Variants in SLC2A14 observed in about 807,000 individuals in gnomAD.
SLC2A14 encodes solute carrier family 2 member 14.
Under a neutral mutation model 43.0 loss-of-function variants are expected in SLC2A14, and 13 were observed. The observed-to-expected ratio is 0.30, with a 90% CI of 0.20 to 0.48. The LOEUF (loss-of-function observed/expected upper bound fraction) is 0.48. Among genes scored for constraint, SLC2A14 ranks in the 20% least tolerant of loss-of-function variants. The pLI, the probability that SLC2A14 is intolerant of heterozygous loss-of-function variation, is 0.99. For missense variants in SLC2A14, 428 were observed against 620.4 expected (o/e 0.69, Z 3.29); for synonymous variants, 190 against 233.8 (o/e 0.81, Z 1.71).
chr12:7,832,520 G>A (rs902304450), intron 3 of SLC2A14, among the ~76,000 whole-genome samples: 1 of 152,150 alleles, frequency 6.6e-6, no homozygotes, highest in Admixed American at 6.5e-5. Context: ...CCCCTAGTTG[G>A]GGGAGGGACC....
At chr12:7,862,373 C>A (rs1229038353) in intron 2 of SLC2A14, among the ~76,000 whole-genome samples, 7 of 152,018 alleles carry the variant, frequency 4.6e-5, no homozygotes, top group African/African-American at 1.7e-4. Context: ...GCAGTGCCAG[C>A]CCACCGGCGC....
At chr12:7,871,038 G>T in intron 1 of SLC2A14, 1 of 1,424,122 alleles carries the variant, frequency 7.0e-7, no homozygotes, top group South Asian at 1.2e-5. Flanking sequence ...TGGCTTCACC[G>T]CGGAAGAACC....
At position 7,870,413 on chromosome 12, in the gene SLC2A14, G is replaced by A. The variant is rs144861494; in HGVS notation, c.-57-476C>T. ...GCCTAAACTGCTTCAGTGAGCCACAGTGAAGTTGGAAGTCGTGATTCTGCT... is the reference window on the plus strand; with the variant it reads ...GCCTAAACTGCTTCAGTGAGCCACAATGAAGTTGGAAGTCGTGATTCTGCT... On this transcript the variant is annotated intron_variant, in intron 1 of 10. Transcript: ENST00000431042. Among the ~76,000 whole-genome samples the A allele has an allele frequency of 6.2e-3, 949 of 152,282 alleles. 18 individuals carry two copies. Among genetic ancestry groups the A allele is most frequent in the Middle Eastern group, 0.048 (14 of 294 alleles).
At chr12:7,848,220 T>A (rs1363081054) in intron 2 of SLC2A14, among the ~76,000 whole-genome samples, 2 of 152,090 alleles carry the variant, frequency 1.3e-5, no homozygotes, top group Admixed American at 1.3e-4. Context: ...TTCCTTATTG[T>A]TTTCCACTTT....
chr12:7,873,051 G>C, upstream of SLC2A14: 2 of 985,504 alleles, frequency 2.0e-6, no homozygotes, highest in Non-Finnish European at 2.4e-6. Flanking sequence ...GCTCGCGGTC[G>C]GGGTTGTCCG....
At chr12:7,825,766 C>CAGA (rs1864305330) in intron 7 of SLC2A14, among the ~76,000 whole-genome samples, 1 of 121,264 alleles carries the variant, frequency 8.2e-6, no homozygotes, top group African/African-American at 3.2e-5. Context: ...CTCTGTCTCA[C>CAGA]AAAAAAAAAA....
At chr12:7,874,924 TA>T (rs1287152404), upstream of SLC2A14, among the ~76,000 whole-genome samples, 135 of 53,486 alleles carry the variant, frequency 2.5e-3, 3 homozygotes, top group East Asian at 0.065. Context: ...TATAAATATA[TA>T]TTTATATATA....
At chr12:7,837,038 A>C (rs4606545) in intron 2 of SLC2A14, among the ~76,000 whole-genome samples, 1 of 151,368 alleles carries the variant, frequency 6.6e-6, no homozygotes, top group Non-Finnish European at 1.5e-5. Flanking sequence ...ATGGTGGCAC[A>C]TGCCTGTAAT....
Position 7,812,983 on chromosome 12 carries a change from A to G in SLC2A14, c.*1333T>C, listed in dbSNP as rs975349106. ...CACTGCACATTGACTCATACTGTCTAAACCTGGTTTATTGGAAAGATTCAA... is the reference window on the plus strand; with the variant it reads ...CACTGCACATTGACTCATACTGTCTGAACCTGGTTTATTGGAAAGATTCAA... On this transcript the variant is annotated 3_prime_UTR_variant, in exon 11 of 11. Coordinates refer to ENST00000431042, the MANE Select transcript of SLC2A14 (RefSeq NM_001286234.2). 3 of 152,068 alleles carry G rather than the reference A, an allele frequency of 2.0e-5. No homozygotes were observed. Among genetic ancestry groups the G allele is most frequent in the African/African-American group, 7.2e-5 (3 of 41,398 alleles). The allele number at this position is 152,068 out of a possible 1,614,324, so 9.4% of individuals were successfully genotyped here. A position where few individuals can be genotyped will look rare whatever the true frequency, so the allele number is the denominator to read the frequency against.
chr12:7,885,633 C>A (rs1169539414), intron 1 of SLC2A14, among the ~76,000 whole-genome samples: 1 of 150,878 alleles, frequency 6.6e-6, no homozygotes, highest in Non-Finnish European at 1.5e-5. Context: ...ATCAGAGATT[C>A]TTTCAAGCTC....
intron 1 of SLC2A14, among the ~76,000 whole-genome samples, chr12:7,884,197 G>C (rs1185516801): frequency 1.3e-5 from 2 of 152,106 alleles, no homozygotes; most frequent in African/African-American, 4.8e-5. Flanking sequence ...TGGGATTACA[G>C]GCATGAGCCA....
At chr12:7,836,094 G>C (rs1865426785) in intron 2 of SLC2A14, among the ~76,000 whole-genome samples, 1 of 152,082 alleles carries the variant, frequency 6.6e-6, no homozygotes, top group Admixed American at 6.6e-5. Context: ...TTCCACATCA[G>C]GGCTAGGTGA....
chr12:7,882,683 G>A (rs933684939), intron 1 of SLC2A14, among the ~76,000 whole-genome samples: 3 of 151,954 alleles, frequency 2.0e-5, no homozygotes, highest in Admixed American at 1.3e-4. Flanking sequence ...CTAAAAATAC[G>A]AAAGTTAGTC....
intron 1 of SLC2A14, chr12:7,871,958 G>GA (rs887610937): frequency 1.5e-4 from 146 of 953,130 alleles, no homozygotes; most frequent in Middle Eastern, 5.3e-4. Context: ...GCTGAGCATG[G>GA]AAAAAAAACA....
chr12:7,872,652 C>T, intron 1 of SLC2A14, 155 bp downstream of exon 1: 1 of 519,002 alleles, frequency 1.9e-6, no homozygotes, highest in Non-Finnish European at 2.5e-6. Flanking sequence ...CTCCAAGGCT[C>T]CAAGGCTAGT....
intron 2 of SLC2A14, among the ~76,000 whole-genome samples, chr12:7,866,530 A>G (rs1194883445): frequency 2.6e-5 from 4 of 151,870 alleles, no homozygotes; most frequent in Non-Finnish European, 5.9e-5. Context: ...ACGCCCAGCT[A>G]ATTTTTATAT....
At chr12:7,815,343 G>A (rs1245532139) in intron 10 of SLC2A14, among the ~76,000 whole-genome samples, 1 of 152,018 alleles carries the variant, frequency 6.6e-6, no homozygotes, top group African/African-American at 2.4e-5. Flanking sequence ...TTGATCCCAG[G>A]AGGCAGAGGT....
chr12:7,864,938 G>A (rs1354326899), intron 2 of SLC2A14, among the ~76,000 whole-genome samples: 1 of 152,012 alleles, frequency 6.6e-6, no homozygotes, highest in Non-Finnish European at 1.5e-5. Flanking sequence ...CAAATTTACC[G>A]TAAAGAGGCC....
chr12:7,832,722 C>A lies in SLC2A14; in HGVS notation c.111G>T (p.Thr37=), dbSNP rs10846018. The part of the protein sequence containing the change: ...YNTGVINAPE[T]IIKEFINKTL... The stretch of plus-strand genomic sequence containing the variant: ...CTAATTCTTGTGGCCTGGCACTCAC[C>A]GTCTCAGGAGCATTGATGACCCCAG... The change falls in exon 3 of 11, where the codon ACG becomes ACT. Residue 37 remains threonine (T), a splice_region_variant and synonymous_variant. Transcript: ENST00000431042. 0.031 allele frequency: 49,896 copies of A among 1,613,386 alleles called. 933 individuals carry two copies. Among genetic ancestry groups the A allele is most frequent in the Non-Finnish European group, 0.036 (42,267 of 1,179,444 alleles).
Sources: gnomAD v4.1 joint callset for allele counts (sites outside exome capture counted in the v4.1 genomes callset) on GRCh38, gnomAD v4.1.1 for gene constraint, MANE v1.5 for transcripts, NCBI Gene and HGNC (gene_info 2026-07-23, HGNC 2026-07-21) for gene names.